PREX1: variants seen among roughly 807,000 people sequenced by gnomAD.
The protein encoded by PREX1 is phosphatidylinositol 3,4,5-trisphosphate-dependent Rac exchanger 1 protein.
In PREX1, 41 loss-of-function variants were observed where a neutral mutation model predicts 198.3. The ratio of observed to expected loss-of-function variants is 0.21; its 90% confidence interval spans 0.16 to 0.27. The LOEUF is 0.27. PREX1 is among the 10% of genes least tolerant of loss of function. PREX1 has a pLI of 1.00. For synonymous variants in PREX1, 843 were observed against 887.2 expected, an observed-to-expected ratio of 0.95 and a Z score of 0.89; for missense variants, 1,620 against 2,200.7, an observed-to-expected ratio of 0.74 and a Z score of 5.28.
At chr20:48,627,430 A>T (rs2089281570) in intron 39 of PREX1, 118 bp downstream of exon 39, 1 of 1,165,434 alleles carries the variant, frequency 8.6e-7, no homozygotes, top group African/African-American at 1.5e-5. Flanking sequence ...GTTCCCCATA[A>T]ATGAGAGGGG....
At position 48,632,644 on chromosome 20, in the gene PREX1, G is replaced by A. The variant is rs759027718; in HGVS notation, c.4268-5C>T. Reference sequence around the variant, plus strand: ...TGTGGTAGAAGACGTTGGTGTCTGCGGAAGGATATGGGGCAGGATGACTCA... The same window carrying A: ...TGTGGTAGAAGACGTTGGTGTCTGCAGAAGGATATGGGGCAGGATGACTCA... On this transcript the variant is annotated splice_polypyrimidine_tract_variant and splice_region_variant and intron_variant, in intron 33 of 39. Coordinates refer to ENST00000371941, the MANE Select transcript of PREX1 (RefSeq NM_020820.4). 5.9e-5 allele frequency: 95 copies of A among 1,613,420 alleles called. No homozygotes were observed. The Admixed American group carries it at 7.7e-4, about 13-fold the overall frequency.
intron 7 of PREX1, among the ~76,000 whole-genome samples, chr20:48,696,307 T>C (rs1045162775): frequency 1.3e-5 from 2 of 152,204 alleles, no homozygotes. Context: ...AATCACTTTT[T>C]CCCCCACTGG....
intron 25 of PREX1, among the ~76,000 whole-genome samples, 191 bp downstream of exon 25, chr20:48,649,109 G>C (rs1375535812): frequency 6.6e-6 from 1 of 152,120 alleles, no homozygotes; most frequent in Non-Finnish European, 1.5e-5. Flanking sequence ...GACATTTTTG[G>C]TTGTCACAAT....
At chr20:48,686,388 T>A (rs1356286486) in intron 10 of PREX1, among the ~76,000 whole-genome samples, 1 of 152,338 alleles carries the variant, frequency 6.6e-6, no homozygotes, top group East Asian at 1.9e-4. Flanking sequence ...GCTGGCCCTT[T>A]CGGACCTGCA....
chr20:48,851,928 G>A, the PREX1 span, among the ~76,000 whole-genome samples: 1 of 152,158 alleles, frequency 6.6e-6, no homozygotes, highest in Non-Finnish European at 1.5e-5. Context: ...GACCTCACCA[G>A]GCAGTATGGG....
intron 6 of PREX1, among the ~76,000 whole-genome samples, chr20:48,707,974 G>T (rs1267420907): frequency 6.6e-6 from 1 of 152,130 alleles, no homozygotes; most frequent in Non-Finnish European, 1.5e-5. Flanking sequence ...AAAGAGAAGG[G>T]GTGGGGAGAT....
chr20:48,667,183 CAGAA>C (rs1214349091), intron 14 of PREX1, among the ~76,000 whole-genome samples: 1 of 152,194 alleles, frequency 6.6e-6, no homozygotes, highest in Admixed American at 6.5e-5. Context: ...GAAGGCAGAG[CAGAA>C]AGACACAGAG....
chr20:48,756,688 G>A (rs2090157154), intron 1 of PREX1, among the ~76,000 whole-genome samples: 1 of 152,098 alleles, frequency 6.6e-6, no homozygotes, highest in Non-Finnish European at 1.5e-5. Flanking sequence ...CCACCCCGGG[G>A]CCTTTGTACT....
rs1012580711 is a variant in PREX1 at position 48,694,212 on chromosome 20, C to T, written c.918-1422G>A. ...CAGGTATGAGCCACCACGCCCAGCC[C>T]GAATTTCTGTTGTTTAAAAACCCCA... On this transcript the variant is annotated intron_variant, in intron 7 of 39. Coordinates refer to ENST00000371941, the MANE Select transcript of PREX1 (RefSeq NM_020820.4). 1.3e-4 allele frequency among the ~76,000 whole-genome samples: 20 copies of T among 152,234 alleles called. 1 individual carries two copies. The South Asian group carries it at 3.7e-3, about 28-fold the overall frequency.
intron 4 of PREX1, among the ~76,000 whole-genome samples, chr20:48,728,511 C>T (rs2090019470): frequency 6.6e-6 from 1 of 152,220 alleles, no homozygotes; most frequent in Non-Finnish European, 1.5e-5. Flanking sequence ...GCTGAATGGC[C>T]CCCACCAGTG....
intron 1 of PREX1, among the ~76,000 whole-genome samples, chr20:48,811,215 A>G (rs2090432575): frequency 6.6e-6 from 1 of 152,060 alleles, no homozygotes; most frequent in Admixed American, 6.6e-5. Flanking sequence ...GGGTTTCACT[A>G]TGTTTGCCAG....
intron 1 of PREX1, among the ~76,000 whole-genome samples, chr20:48,761,472 C>G (rs1166825656): frequency 1.3e-5 from 2 of 151,940 alleles, no homozygotes; most frequent in Non-Finnish European, 2.9e-5. Context: ...TAGACTACTC[C>G]CACCCCCACC....
At chr20:48,661,914 G>A (rs1175954789) in intron 15 of PREX1, among the ~76,000 whole-genome samples, 1 of 152,174 alleles carries the variant, frequency 6.6e-6, no homozygotes, top group Non-Finnish European at 1.5e-5. Flanking sequence ...GACAAAGGTG[G>A]AAATCAAGGC....
At chr20:48,680,879 G>A (rs555886365) in intron 11 of PREX1, among the ~76,000 whole-genome samples, 21 of 132,452 alleles carry the variant, frequency 1.6e-4, no homozygotes, top group Admixed American at 6.3e-4. Flanking sequence ...GCTCCATGAC[G>A]ACAGGCACGT....
At chr20:48,641,722 G>A (rs1233363145) in intron 29 of PREX1, among the ~76,000 whole-genome samples, 1 of 151,890 alleles carries the variant, frequency 6.6e-6, no homozygotes, top group Non-Finnish European at 1.5e-5. Flanking sequence ...AGCCTGGGAG[G>A]TCAAGGCTGC....
At chr20:48,794,656 C>A (rs1232761578) in intron 1 of PREX1, among the ~76,000 whole-genome samples, 1 of 152,150 alleles carries the variant, frequency 6.6e-6, no homozygotes. Flanking sequence ...GTGCCAAGCA[C>A]CCAGCCAGGT....
intron 7 of PREX1, among the ~76,000 whole-genome samples, chr20:48,696,231 G>A (rs956567419): frequency 4.4e-4 from 67 of 152,088 alleles, no homozygotes; most frequent in African/African-American, 1.2e-3. Context: ...TTGTTCTACC[G>A]TTTACATTTA....
chr20:48,679,478 A>T, intron 12 of PREX1, 69 bp from the exon 13 acceptor site: 1 of 1,507,488 alleles, frequency 6.6e-7, no homozygotes, highest in Non-Finnish European at 9.2e-7. Context: ...ATCCAGGCTG[A>T]TGGGAGAGAT....
rs146210678 is a variant in PREX1, at chr20:48,653,425, T to G, written c.2282A>C (p.Asn761Thr). ...ILKVNGSNVMNDGAPEVLEHF... is the reference protein window; with the variant it reads ...ILKVNGSNVMTDGAPEVLEHF... ...CTCCAGGACCTCAGGGGCACCATCG[T>G]TCATCACGTTGCTGCCATTGACCTT... The change falls in exon 20 of 40, where the codon AAC (asparagine) becomes ACC (threonine). Residue 761 changes from asparagine to threonine, a missense_variant. Asn to Thr is a moderately conservative substitution (Grantham distance 65). Around this residue, in one of 7 missense-constraint regions of PREX1, gnomAD observed 514 missense variants for 611.6 expected, o/e 0.84. Transcript: ENST00000371941. 3 of 1,613,880 alleles carry G rather than the reference T, an allele frequency of 1.9e-6. No homozygotes were observed. Among genetic ancestry groups the G allele is most frequent in the Admixed American group, 3.3e-5 (2 of 60,012 alleles).
Sources: allele counts gnomAD v4.1 joint callset (sites outside exome capture counted in the v4.1 genomes callset), GRCh38; gene constraint gnomAD v4.1.1; regional missense constraint gnomAD v4.1.1; transcripts MANE v1.5; gene names NCBI Gene and HGNC (gene_info 2026-07-23, HGNC 2026-07-21).